DDC: variants seen among roughly 807,000 people sequenced by gnomAD.
The protein encoded by DDC is aromatic-L-amino-acid decarboxylase.
Under a neutral mutation model 60.0 loss-of-function variants are expected in DDC, and 43 were observed. That is an observed-to-expected ratio of 0.72 (90% CI 0.56 to 0.92). DDC has a LOEUF of 0.92. Ranked by LOEUF, DDC falls within the 40% of genes least tolerant of loss-of-function variation. DDC has a pLI of 0.00. For missense variants in DDC, 573 were observed against 620.2 expected, an observed-to-expected ratio of 0.92 and a Z score of 0.81; for synonymous variants, 232 against 234.6, an observed-to-expected ratio of 0.99 and a Z score of 0.10.
At chr7:50,501,053 G>A (rs1045378545) in intron 7 of DDC, among the ~76,000 whole-genome samples, 57 of 152,130 alleles carry the variant, frequency 3.7e-4, no homozygotes, top group African/African-American at 1.1e-3. Context: ...AGAGACCCTC[G>A]GCCAGAGCTT....
chr7:50,499,044 CA>C, intron 8 of DDC, 103 bp downstream of exon 8: 1 of 963,708 alleles, frequency 1.0e-6, no homozygotes, highest in Non-Finnish European at 1.7e-6. Flanking sequence ...TTGGCTGAAA[CA>C]AACCTCAATA....
intron 9 of DDC, among the ~76,000 whole-genome samples, chr7:50,482,231 T>C (rs1344033217): frequency 6.6e-6 from 1 of 152,268 alleles, no homozygotes; most frequent in African/African-American, 2.4e-5. Flanking sequence ...ACGTTTAGTA[T>C]GAAGAGACTA....
chr7:50,496,710 C>T lies in DDC; in HGVS notation c.877-1293G>A, dbSNP rs183841840. Reference sequence around the variant, plus strand: ...ATGCGGCTGGATTCATAATTGATACCGAAATAAAGGTGGCTGTTGCAGTGA... The same window carrying T: ...ATGCGGCTGGATTCATAATTGATACTGAAATAAAGGTGGCTGTTGCAGTGA... On this transcript the variant is annotated intron_variant, in intron 8 of 14. Coordinates refer to ENST00000444124, the MANE Select transcript of DDC (RefSeq NM_001082971.2). Among the ~76,000 whole-genome samples the T allele has an allele frequency of 2.2e-4, 33 of 152,228 alleles. No individual in the cohort carries two copies. The East Asian group carries it at 2.5e-3, about 12-fold the overall frequency.
intron 6 of DDC, among the ~76,000 whole-genome samples, chr7:50,522,581 T>A (rs147057752): frequency 1.3e-5 from 2 of 152,294 alleles, no homozygotes; most frequent in East Asian, 3.9e-4. Context: ...ATAAATGAGT[T>A]GAACAGAAAT....
chr7:50,509,479 C>G (rs1047725750), intron 6 of DDC, among the ~76,000 whole-genome samples: 1 of 152,256 alleles, frequency 6.6e-6, no homozygotes, highest in Non-Finnish European at 1.5e-5. Flanking sequence ...CTCGGCCCAA[C>G]TTGCTCCAGC....
At chr7:50,542,434 A>C (rs2044663351) in intron 2 of DDC, 1 of 151,656 alleles carries the variant, frequency 6.6e-6, no homozygotes, top group East Asian at 1.9e-4. Context: ...CTTTTGCTTC[A>C]CTCTCCGCTG....
intron 11 of DDC, among the ~76,000 whole-genome samples, chr7:50,471,224 T>C (rs1011777854): frequency 6.6e-6 from 1 of 152,244 alleles, no homozygotes; most frequent in East Asian, 1.9e-4. Context: ...AAACCCTCTC[T>C]CTACTAAAAA....
At chr7:50,504,720 C>A (rs1240323018) in intron 6 of DDC, among the ~76,000 whole-genome samples, 1 of 151,782 alleles carries the variant, frequency 6.6e-6, no homozygotes, top group Non-Finnish European at 1.5e-5. Context: ...TGTGTGTGTG[C>A]ACGTGTGTGT....
At chr7:50,476,219 T>C (rs1242727273) in intron 11 of DDC, among the ~76,000 whole-genome samples, 2 of 152,234 alleles carry the variant, frequency 1.3e-5, no homozygotes, top group African/African-American at 4.8e-5. Context: ...CATTTGAGAC[T>C]AGGCTGCTGA....
chr7:50,539,908 C>A lies in DDC; in HGVS notation c.315+7G>T. 1.2e-6 allele frequency: 2 copies of A among 1,610,698 alleles called. No homozygotes were observed. The highest frequency in any genetic ancestry group is 2.2e-5 in the South Asian group (2 of 90,954). ...GACCCCTTCCCGAGGTGCATCCGGA[C>A]CCTCACCCAGGAGAAGCCGATGCAG... On this transcript the variant is annotated splice_region_variant and intron_variant, in intron 3 of 14. Coordinates refer to ENST00000444124, the MANE Select transcript of DDC (RefSeq NM_001082971.2).
intron 6 of DDC, among the ~76,000 whole-genome samples, chr7:50,519,432 A>G (rs1258724802): frequency 2.6e-5 from 4 of 152,248 alleles, no homozygotes; most frequent in Non-Finnish European, 5.9e-5. Context: ...AGAAAGAGAT[A>G]CTTGCACATG....
intron 4 of DDC, among the ~76,000 whole-genome samples, chr7:50,532,049 C>T (rs1292965744): frequency 6.6e-6 from 1 of 152,214 alleles, no homozygotes; most frequent in Admixed American, 6.5e-5. Flanking sequence ...TGTCCAGCCT[C>T]ACAACAACAG....
chr7:50,495,264 C>G, intron 9 of DDC, 86 bp downstream of exon 9: 2 of 941,808 alleles, frequency 2.1e-6, no homozygotes, highest in Non-Finnish European at 1.7e-6. Flanking sequence ...GACTATTGCA[C>G]CCCTTTGGCT....
intron 1 of DDC, among the ~76,000 whole-genome samples, chr7:50,554,257 G>C (rs2045107313): frequency 6.6e-6 from 1 of 152,128 alleles, no homozygotes; most frequent in Non-Finnish European, 1.5e-5. Context: ...GTGAGAGCCT[G>C]CTGCAGAGTC....
At chr7:50,514,218 G>A (rs543077557) in intron 6 of DDC, among the ~76,000 whole-genome samples, 2 of 152,310 alleles carry the variant, frequency 1.3e-5, no homozygotes, top group South Asian at 4.1e-4. Context: ...GCCAGACCCA[G>A]AAAAGAGACA....
Position 50,476,517 on chromosome 7 carries a change from C to T in DDC, c.1041+107G>A. 9 of 1,072,302 alleles carry T rather than the reference C, an allele frequency of 8.4e-6. No individual in the cohort carries two copies. The South Asian group carries it at 1.1e-4, about 14-fold the overall frequency. 66.4% of individuals were successfully genotyped at this position (1,072,302 alleles called of 1,614,324 possible). On this transcript the variant is annotated intron_variant, in intron 11 of 14. Coordinates refer to ENST00000444124, the MANE Select transcript of DDC (RefSeq NM_001082971.2). Reference sequence around the variant, plus strand: ...TTAGGACCCAGTTAGAAGGTGCCCACCAGTGCGTGCTGATCATGAGAGTGG... The same window carrying T: ...TTAGGACCCAGTTAGAAGGTGCCCATCAGTGCGTGCTGATCATGAGAGTGG...
chr7:50,544,381 G>A (rs1171580899), intron 1 of DDC, among the ~76,000 whole-genome samples: 1 of 152,174 alleles, frequency 6.6e-6, no homozygotes, highest in Non-Finnish European at 1.5e-5. Flanking sequence ...TAGACTAGAA[G>A]CACACGTTTA....
chr7:50,545,426 C>G (rs767609796), intron 1 of DDC, among the ~76,000 whole-genome samples: 8 of 152,194 alleles, frequency 5.3e-5, no homozygotes, highest in Non-Finnish European at 1.0e-4. Flanking sequence ...TCCCACAACC[C>G]AAAATTCTGG....
At chr7:50,471,084 C>T (rs1467562688) in intron 11 of DDC, among the ~76,000 whole-genome samples, 2 of 152,180 alleles carry the variant, frequency 1.3e-5, no homozygotes, top group African/African-American at 4.8e-5. Flanking sequence ...GGAGGGCTTG[C>T]AGGTGTTTTT....
Sources: gnomAD v4.1 joint callset for allele counts (sites outside exome capture counted in the v4.1 genomes callset) on GRCh38, gnomAD v4.1.1 for gene constraint, MANE v1.5 for transcripts, NCBI Gene and HGNC (gene_info 2026-07-23, HGNC 2026-07-21) for gene names.